COL11A1: variants seen among roughly 807,000 people sequenced by gnomAD.
COL11A1 encodes collagen type XI alpha 1 chain, also known as collagen alpha-1(XI) chain.
In COL11A1, 74 loss-of-function variants were observed where a neutral mutation model predicts 265.2. That is an observed-to-expected ratio of 0.28 (90% CI 0.23 to 0.34). COL11A1 has a LOEUF of 0.34. Ranked by LOEUF, COL11A1 falls within the 10% of genes least tolerant of loss-of-function variation. The pLI is 1.00. For missense variants in COL11A1, 2,165 were observed against 2,263.6 expected (o/e 0.96, Z 0.88); for synonymous variants, 816 against 727.6 (o/e 1.12, Z -1.96).
intron 3 of COL11A1, among the ~76,000 whole-genome samples, chr1:103,075,297 C>T (rs1671890406): frequency 6.6e-6 from 1 of 152,146 alleles, no homozygotes; most frequent in Non-Finnish European, 1.5e-5. Flanking sequence ...ACACAATGTG[C>T]TTCTCTGTCT....
chr1:103,055,310 A>T (rs1670158435), intron 4 of COL11A1, among the ~76,000 whole-genome samples: 1 of 152,238 alleles, frequency 6.6e-6, no homozygotes, highest in African/African-American at 2.4e-5. Flanking sequence ...ATATTATGTT[A>T]TCATCTGTGC....
intron 54 of COL11A1, among the ~76,000 whole-genome samples, chr1:102,908,183 T>C (rs759122873): frequency 6.6e-6 from 1 of 152,140 alleles, no homozygotes; most frequent in Non-Finnish European, 1.5e-5. Context: ...TTTCATGGGG[T>C]ATTTGTGTCA....
intron 66 of COL11A1, among the ~76,000 whole-genome samples, chr1:102,878,592 C>T (rs1649835358): frequency 1.4e-5 from 2 of 147,334 alleles, no homozygotes; most frequent in East Asian, 4.0e-4. Flanking sequence ...CTCACTGCAA[C>T]TTCTGCCTCC....
intron 2 of COL11A1, among the ~76,000 whole-genome samples, chr1:103,080,846 C>T (rs1672353948): frequency 6.6e-6 from 1 of 151,784 alleles, no homozygotes. Flanking sequence ...CAAAGAGATA[C>T]CTGCACTCCT....
chr1:102,921,493 T>A, intron 48 of COL11A1, 25 bp downstream of exon 48: 1 of 1,577,370 alleles, frequency 6.3e-7, no homozygotes, highest in Non-Finnish European at 8.7e-7. Flanking sequence ...TTCAAAATAA[T>A]TAACATATAT....
At chr1:102,960,846 G>C (rs893953385) in intron 41 of COL11A1, among the ~76,000 whole-genome samples, 1 of 152,074 alleles carries the variant, frequency 6.6e-6, no homozygotes, top group African/African-American at 2.4e-5. Context: ...CTATAGGATG[G>C]GTATGATAGA....
At chr1:102,972,205 C>T (rs1662036859) in intron 36 of COL11A1, among the ~76,000 whole-genome samples, 1 of 152,090 alleles carries the variant, frequency 6.6e-6, no homozygotes, top group South Asian at 2.1e-4. Flanking sequence ...TGAAGGATAT[C>T]AATTATGTCT....
intron 46 of COL11A1, among the ~76,000 whole-genome samples, 168 bp from the exon 47 acceptor site, chr1:102,923,557 GT>G (rs1347277427): frequency 1.3e-5 from 2 of 152,026 alleles, no homozygotes; most frequent in Non-Finnish European, 2.9e-5. Flanking sequence ...TTGACCACAT[GT>G]GATAAAATCT....
chr1:103,087,171 A>G (rs929923523), intron 1 of COL11A1, among the ~76,000 whole-genome samples: 5 of 152,222 alleles, frequency 3.3e-5, no homozygotes, highest in Admixed American at 2.6e-4. Context: ...AATTATCTCT[A>G]TGTTGCCAAC....
chr1:103,074,031 CTAAA>C (rs1251866417), intron 4 of COL11A1, among the ~76,000 whole-genome samples: 5 of 151,766 alleles, frequency 3.3e-5, no homozygotes, highest in Admixed American at 3.3e-4. Flanking sequence ...TAAAAAGTGA[CTAAA>C]TGAAAGTTAA....
intron 30 of COL11A1, 61 bp from the exon 31 acceptor site, chr1:102,984,252 G>T (rs956673366): frequency 5.1e-5 from 57 of 1,124,014 alleles, no homozygotes; most frequent in Middle Eastern, 5.3e-4. Context: ...CTTAAATAAT[G>T]ATTTCAATTT....
At chr1:102,928,247 C>A (rs1364380338) in intron 46 of COL11A1, among the ~76,000 whole-genome samples, 1 of 151,674 alleles carries the variant, frequency 6.6e-6, no homozygotes, top group Admixed American at 6.6e-5. Context: ...CTATCCCTCC[C>A]CTCTCCCCCC....
At chr1:103,003,878 TCC>T (rs1325522153) in intron 20 of COL11A1, among the ~76,000 whole-genome samples, 1 of 152,138 alleles carries the variant, frequency 6.6e-6, no homozygotes, top group Non-Finnish European at 1.5e-5. Context: ...CTAATTTCTC[TCC>T]CATTTGCTTG....
At chr1:102,935,780 G>C (rs749686765) in intron 44 of COL11A1, among the ~76,000 whole-genome samples, 11 of 152,120 alleles carry the variant, frequency 7.2e-5, no homozygotes, top group Non-Finnish European at 1.3e-4. Context: ...GTATTGTTCT[G>C]TATTGTAACT....
chr1:103,018,915 A>C, intron 9 of COL11A1, 56 bp from the exon 10 acceptor site: 1 of 1,328,026 alleles, frequency 7.5e-7, no homozygotes, highest in South Asian at 1.2e-5. Context: ...CAACCTCTTA[A>C]TTACATGAAT....
intron 57 of COL11A1, among the ~76,000 whole-genome samples, chr1:102,896,048 C>T (rs908346655): frequency 3.3e-5 from 5 of 151,724 alleles, no homozygotes; most frequent in African/African-American, 1.2e-4. Flanking sequence ...GCTACTAGTG[C>T]TAATTGTTGA....
chr1:103,047,916 C>T (rs184193143), intron 4 of COL11A1, among the ~76,000 whole-genome samples: 43 of 152,180 alleles, frequency 2.8e-4, no homozygotes, highest in Admixed American at 2.2e-3. Flanking sequence ...TATTGATTTG[C>T]GTCTGTTGAA....
chr1:102,972,312 T>C (rs1287457121), intron 36 of COL11A1, among the ~76,000 whole-genome samples: 1 of 152,160 alleles, frequency 6.6e-6, no homozygotes, highest in East Asian at 1.9e-4. Flanking sequence ...AAATATAAGA[T>C]TAAATATCTC....
Position 103,003,282 on chromosome 1 carries a change from A to C in COL11A1, c.1945-14T>G. ...ACCTCGTGGGCCCTAGGAGAAAAAGAAAAAGCACGCCTTTATTAAAAAAAA... is the reference window on the plus strand; with the variant it reads ...ACCTCGTGGGCCCTAGGAGAAAAAGCAAAAGCACGCCTTTATTAAAAAAAA... On this transcript the variant is annotated splice_polypyrimidine_tract_variant and intron_variant, in intron 20 of 66. Coordinates refer to ENST00000370096, the MANE Select transcript of COL11A1 (RefSeq NM_001854.4). 3 of 1,611,616 alleles carry C rather than the reference A, an allele frequency of 1.9e-6. No individual in the cohort carries two copies.
Sources: allele counts gnomAD v4.1 joint callset (sites outside exome capture counted in the v4.1 genomes callset), GRCh38; gene constraint gnomAD v4.1.1; transcripts MANE v1.5; gene names NCBI Gene and HGNC (gene_info 2026-07-23, HGNC 2026-07-21).